TENM3: variants seen among roughly 807,000 people sequenced by gnomAD.
The protein encoded by TENM3 is teneurin-3.
A neutral mutation model predicts 255.1 loss-of-function variants in TENM3; 63 were observed. The ratio of observed to expected loss-of-function variants is 0.25; its 90% CI spans 0.20 to 0.30. The LOEUF (loss-of-function observed/expected upper bound fraction) is 0.30. TENM3 is among the 10% of genes least tolerant of loss of function. The pLI is 1.00. For missense variants in TENM3, 2,929 were observed against 3,461.1 expected (o/e 0.85, Z 3.86); for synonymous variants, 1,306 against 1,322.3 (o/e 0.99, Z 0.27).
chr4:182,449,962 C>T (rs1452244775), intron 3 of TENM3, among the ~76,000 whole-genome samples: 1 of 152,124 alleles, frequency 6.6e-6, no homozygotes, highest in Non-Finnish European at 1.5e-5. Context: ...ACATTTCCTC[C>T]CTCTCCTGTG....
rs1766905578 is a variant in TENM3 at position 182,800,925 on chromosome 4, C to T, written c.*574C>T. 6.6e-6 allele frequency: 1 copy of T among 152,664 alleles called. No homozygotes were observed. Among genetic ancestry groups the T allele is most frequent in the Non-Finnish European group, 1.5e-5 (1 of 68,050 alleles). The allele number at this position is 152,664 out of a possible 1,614,324, so 9.5% of individuals were successfully genotyped here. On this transcript the variant is annotated 3_prime_UTR_variant, in exon 28 of 28. Transcript: ENST00000511685. ...ATTTTACAATGCTAACGTGGTTTCC[C>T]TTCGGGGAAAAAACTGGCAACTAGA...
At chr4:182,612,078 G>A (rs566805736) in intron 4 of TENM3, among the ~76,000 whole-genome samples, 6 of 151,938 alleles carry the variant, frequency 3.9e-5, no homozygotes, top group African/African-American at 1.4e-4. Flanking sequence ...GACCAGCCTG[G>A]CCAACACGGT....
At chr4:182,076,477 C>T in the TENM3 span, among the ~76,000 whole-genome samples, 5 of 152,022 alleles carry the variant, frequency 3.3e-5, no homozygotes, top group Non-Finnish European at 7.4e-5. Flanking sequence ...GCTGGGATTA[C>T]AGGCGTGAGC....
At chr4:182,537,524 C>T (rs756307832) in intron 3 of TENM3, among the ~76,000 whole-genome samples, 26 of 152,148 alleles carry the variant, frequency 1.7e-4, no homozygotes, top group Admixed American at 3.3e-4. Flanking sequence ...TTTACCATTC[C>T]CGGAGCAGGC....
chr4:182,235,641 G>A (rs1756849521), intron 1 of TENM3, among the ~76,000 whole-genome samples: 1 of 152,102 alleles, frequency 6.6e-6, no homozygotes, highest in South Asian at 2.1e-4. Context: ...TCTCTCACAA[G>A]CTGGAACTAC....
the TENM3 span, among the ~76,000 whole-genome samples, chr4:181,474,591 A>G: frequency 6.6e-6 from 1 of 151,784 alleles, no homozygotes; most frequent in Admixed American, 6.6e-5. Flanking sequence ...AAAAATTAGC[A>G]GGGTGTGGTG....
intron 10 of TENM3, among the ~76,000 whole-genome samples, chr4:182,681,348 A>T (rs2152566316): frequency 6.6e-6 from 1 of 152,362 alleles, no homozygotes; most frequent in Middle Eastern, 3.4e-3. Flanking sequence ...GTAAAGTTTT[A>T]TTGAGTCAAA....
At chr4:182,572,811 C>A (rs749758776) in intron 3 of TENM3, among the ~76,000 whole-genome samples, 42 of 152,096 alleles carry the variant, frequency 2.8e-4, no homozygotes, top group Non-Finnish European at 4.7e-4. Context: ...CTGCCTGATT[C>A]AGGGATTTCA....
intron 1 of TENM3, among the ~76,000 whole-genome samples, chr4:182,197,087 G>C (rs1226217516): frequency 1.3e-5 from 2 of 152,136 alleles, no homozygotes; most frequent in Admixed American, 6.5e-5. Flanking sequence ...CCTTCTAAAA[G>C]TTCTCTGGTT....
At chr4:182,638,752 T>C (rs1054285168) in intron 5 of TENM3, among the ~76,000 whole-genome samples, 2 of 152,324 alleles carry the variant, frequency 1.3e-5, no homozygotes, top group Admixed American at 6.5e-5. Flanking sequence ...TGTCCTGGGA[T>C]TGTCTTATCA....
intron 13 of TENM3, 76 bp downstream of exon 13, chr4:182,714,309 T>A: frequency 2.4e-6 from 1 of 419,972 alleles, no homozygotes; most frequent in East Asian, 5.4e-5. Flanking sequence ...CATAGATATC[T>A]GTTGCCAAAA....
At chr4:181,704,582 A>C in the TENM3 span, among the ~76,000 whole-genome samples, 1 of 152,216 alleles carries the variant, frequency 6.6e-6, no homozygotes, top group Non-Finnish European at 1.5e-5. Flanking sequence ...AACACAAAGT[A>C]AAATCATAAC....
At chr4:181,777,722 A>C in the TENM3 span, among the ~76,000 whole-genome samples, 1 of 152,136 alleles carries the variant, frequency 6.6e-6, no homozygotes, top group Admixed American at 6.6e-5. Context: ...TGCTGACTAT[A>C]CTTGAATATC....
chr4:182,694,750 C>T (rs766915195), intron 12 of TENM3, among the ~76,000 whole-genome samples: 5 of 151,980 alleles, frequency 3.3e-5, no homozygotes, highest in South Asian at 2.1e-4. Context: ...TTTGGGATGC[C>T]GAAGGTTAGA....
chr4:181,718,743 T>A, the TENM3 span, among the ~76,000 whole-genome samples: 1 of 152,180 alleles, frequency 6.6e-6, no homozygotes, highest in African/African-American at 2.4e-5. Flanking sequence ...TGTAGTGGAA[T>A]GTGTCCAGCT....
At chr4:182,298,430 G>GC (rs905484300) in intron 1 of TENM3, among the ~76,000 whole-genome samples, 1 of 152,168 alleles carries the variant, frequency 6.6e-6, no homozygotes, top group Non-Finnish European at 1.5e-5. Flanking sequence ...TAGTCTGGAT[G>GC]CCCCACCTAC....
At chr4:181,936,908 G>A in the TENM3 span, among the ~76,000 whole-genome samples, 1 of 152,080 alleles carries the variant, frequency 6.6e-6, no homozygotes, top group African/African-American at 2.4e-5. Context: ...AATGTTTCCT[G>A]CCCCCCACGA....
At chr4:182,659,231 C>T (rs1373251076) in intron 6 of TENM3, among the ~76,000 whole-genome samples, 1 of 152,110 alleles carries the variant, frequency 6.6e-6, no homozygotes, top group Admixed American at 6.6e-5. Context: ...TGTACAGTAC[C>T]TTCCCACATC....
the TENM3 span, among the ~76,000 whole-genome samples, chr4:182,129,288 A>G: frequency 6.6e-6 from 1 of 152,316 alleles, no homozygotes; most frequent in South Asian, 2.1e-4. Context: ...TAATACATAC[A>G]TGGAAATCTA....
Sources: allele counts gnomAD v4.1 joint callset (sites outside exome capture counted in the v4.1 genomes callset), GRCh38; gene constraint gnomAD v4.1.1; transcripts MANE v1.5; gene names NCBI Gene and HGNC (gene_info 2026-07-23, HGNC 2026-07-21).